The following CCDC171 variants were observed in gnomAD, a reference collection of about 807,000 sequenced individuals.
The protein encoded by CCDC171 is coiled-coil domain-containing protein 171.
Under a neutral mutation model 168.2 loss-of-function variants are expected in CCDC171, and 177 were observed. The ratio of observed to expected loss-of-function variants is 1.05; its 90% CI spans 0.93 to 1.19. The LOEUF is 1.19. Among genes scored for constraint, CCDC171 ranks in the 50% most tolerant of loss-of-function variants. The pLI is 0.00. For missense variants in CCDC171, 1,991 were observed against 1,539.0 expected (o/e 1.29, Z -4.91); for synonymous variants, 687 against 540.8 (o/e 1.27, Z -3.75).
At chr9:15,612,736 A>G (rs2043792228) in intron 6 of CCDC171, among the ~76,000 whole-genome samples, 1 of 151,952 alleles carries the variant, frequency 6.6e-6, no homozygotes, top group Non-Finnish European at 1.5e-5. Context: ...TAGTTTGCAT[A>G]TTTGCATAGT....
intron 11 of CCDC171, among the ~76,000 whole-genome samples, chr9:15,712,888 G>C (rs2052778577): frequency 6.6e-6 from 1 of 152,116 alleles, no homozygotes; most frequent in South Asian, 2.1e-4. Flanking sequence ...ATTTTGTAAA[G>C]ACAAAGATGG....
chr9:15,743,010 C>G (rs1317973402), intron 16 of CCDC171, among the ~76,000 whole-genome samples: 3 of 151,950 alleles, frequency 2.0e-5, no homozygotes, highest in Non-Finnish European at 4.4e-5. Flanking sequence ...AACTCCTGCC[C>G]TCAAGTGATC....
At chr9:16,032,453 A>C (rs975197790) in intron 6 of CCDC171, among the ~76,000 whole-genome samples, 1 of 152,192 alleles carries the variant, frequency 6.6e-6, no homozygotes, top group South Asian at 2.1e-4. Flanking sequence ...CCAAGAAGAG[A>C]GTTCAGAGAG....
At chr9:15,571,799 GTTTGA>G in intron 3 of CCDC171, 40 bp downstream of exon 3, 1 of 1,533,534 alleles carries the variant, frequency 6.5e-7, no homozygotes, top group African/African-American at 1.4e-5. Context: ...TAAAAGTTGA[GTTTGA>G]TTTTTTAGAT....
intron 25 of CCDC171, among the ~76,000 whole-genome samples, chr9:15,948,088 T>A (rs1458094107): frequency 6.6e-6 from 1 of 151,374 alleles, no homozygotes; most frequent in Non-Finnish European, 1.5e-5. Context: ...TGGTTTTTTG[T>A]TCTTGCGATA....
chr9:16,101,107 A>G, the CCDC171 span, among the ~76,000 whole-genome samples: 1 of 152,130 alleles, frequency 6.6e-6, no homozygotes, highest in Non-Finnish European at 1.5e-5. Context: ...GCCTTCTCTT[A>G]TCACCAAAGG....
chr9:15,792,064 A>G (rs186031654), intron 21 of CCDC171, among the ~76,000 whole-genome samples: 2 of 152,306 alleles, frequency 1.3e-5, no homozygotes, highest in East Asian at 1.9e-4. Flanking sequence ...CAAAGAAGCT[A>G]AAAACCTTGA....
At chr9:15,974,472 G>C (rs1831562590), downstream of CCDC171, among the ~76,000 whole-genome samples, 1 of 152,144 alleles carries the variant, frequency 6.6e-6, no homozygotes, top group Non-Finnish European at 1.5e-5. Context: ...TTTTGTAGAG[G>C]AAAGGAAGTT....
intron 24 of CCDC171, among the ~76,000 whole-genome samples, chr9:15,876,515 G>T (rs1817869162): frequency 6.6e-6 from 1 of 152,048 alleles, no homozygotes; most frequent in Admixed American, 6.6e-5. Flanking sequence ...AAAAGGCAGA[G>T]CCTGGATTTA....
intron 3 of CCDC171, among the ~76,000 whole-genome samples, chr9:15,993,081 T>C (rs113814397): frequency 0.076 from 11,584 of 152,030 alleles, 1,449 homozygotes; most frequent in African/African-American, 0.26. Context: ...CTTCACAGAA[T>C]TGGAAAAAAC....
intron 21 of CCDC171, among the ~76,000 whole-genome samples, chr9:15,804,029 C>G (rs539341967): frequency 6.6e-6 from 1 of 152,180 alleles, no homozygotes; most frequent in South Asian, 2.1e-4. Context: ...ATTTGGCTCT[C>G]TACTTGCCTG....
In CCDC171 at chr9:15,777,693, G is replaced by A; in HGVS notation, c.2765G>A (p.Cys922Tyr). The change falls in exon 19 of 26, where the codon TGT (cysteine) becomes TAT (tyrosine). Residue 922 changes from cysteine (C) to tyrosine (Y), a missense_variant. By Grantham distance (194) the Cys-to-Tyr change is radical. Transcript: ENST00000380701. Reference protein sequence around the residue: ...LMDKISLVMECIPLHSSRSIT... With the variant: ...LMDKISLVMEYIPLHSSRSIT... ...GATAAAATTAGTCTGGTAATGGAATGTATACCTCTGCACAGTAGCAGGAGT... is the reference window on the plus strand; with the variant it reads ...GATAAAATTAGTCTGGTAATGGAATATATACCTCTGCACAGTAGCAGGAGT... The A allele has an allele frequency of 2.5e-6, 4 of 1,613,984 alleles. No individual in the cohort carries two copies. Among genetic ancestry groups the A allele is most frequent in the Non-Finnish European group, 2.5e-6 (3 of 1,179,918 alleles).
chr9:15,777,848 G>A lies in CCDC171; in HGVS notation c.2898+22G>A, dbSNP rs768945060. On this transcript the variant is annotated intron_variant, in intron 19 of 25. Coordinates refer to ENST00000380701, the MANE Select transcript of CCDC171 (RefSeq NM_173550.4). ...TACGGTATGTATACACTTTCATTTA[G>A]TAGTAACCTAAGAACTTGTAGGTTT... The A allele has an allele frequency of 1.3e-5, 19 of 1,478,482 alleles. No homozygotes were observed. The African/African-American group carries it at 2.1e-4, about 17-fold the overall frequency. 91.6% of individuals were successfully genotyped at this position (1,478,482 alleles called of 1,614,324 possible). A position where few individuals can be genotyped will look rare whatever the true frequency, so the allele number is the denominator to read the frequency against.
chr9:15,901,345 G>A (rs1821634361), intron 24 of CCDC171, among the ~76,000 whole-genome samples: 1 of 152,088 alleles, frequency 6.6e-6, no homozygotes, highest in African/African-American at 2.4e-5. Flanking sequence ...TGGATTTTGG[G>A]TGATAGTGAT....
At chr9:16,092,066 A>G in the CCDC171 span, among the ~76,000 whole-genome samples, 2 of 152,230 alleles carry the variant, frequency 1.3e-5, no homozygotes, top group African/African-American at 4.8e-5. Flanking sequence ...TTTTAAAAAT[A>G]GATTCAGAAA....
At chr9:15,666,352 A>G in intron 9 of CCDC171, 29 bp downstream of exon 9, 1 of 1,490,248 alleles carries the variant, frequency 6.7e-7, no homozygotes, top group Non-Finnish European at 9.2e-7. Flanking sequence ...AATTCTCTAA[A>G]TTAACATAAA....
At chr9:15,559,648 C>T (rs1019945053) in intron 1 of CCDC171, among the ~76,000 whole-genome samples, 5 of 152,134 alleles carry the variant, frequency 3.3e-5, no homozygotes, top group Non-Finnish European at 5.9e-5. Flanking sequence ...GATAGGTCTC[C>T]TCAGTACAGC....
In CCDC171 at chr9:15,835,094, G is replaced by A. The variant is rs572173958; in HGVS notation, c.3268-11608G>A. On this transcript the variant is annotated intron_variant, in intron 21 of 25. Transcript: ENST00000380701. ...AAAAACAGGCAACTTTAATTGGGGA[G>A]AGGGTTTGACAAAATCCTGGGAATC... is the stretch of plus-strand genomic sequence containing the variant. 7.2e-5 allele frequency among the ~76,000 whole-genome samples: 11 copies of A among 152,258 alleles called. No individual in the cohort carries two copies. In the South Asian group the frequency reaches 1.5e-3, roughly 20 times the overall value.
intron 9 of CCDC171, among the ~76,000 whole-genome samples, chr9:15,667,021 A>G (rs1323866540): frequency 6.6e-6 from 1 of 152,196 alleles, no homozygotes; most frequent in African/African-American, 2.4e-5. Flanking sequence ...TTGAGGCTAA[A>G]CAAGAGTAAG....
Sources: gnomAD v4.1 joint callset for allele counts (sites outside exome capture counted in the v4.1 genomes callset) on GRCh38, gnomAD v4.1.1 for gene constraint, MANE v1.5 for transcripts, NCBI Gene and HGNC (gene_info 2026-07-23, HGNC 2026-07-21) for gene names.